Variants in NAP1L4 observed in about 807,000 individuals in gnomAD.
NAP1L4 encodes nucleosome assembly protein 1-like 4.
Under a neutral mutation model 58.2 loss-of-function variants are expected in NAP1L4, and 15 were observed. The ratio of observed to expected loss-of-function variants is 0.26; its 90% confidence interval spans 0.17 to 0.40. NAP1L4 has a LOEUF of 0.40. Ranked by LOEUF, NAP1L4 falls within the 10% of genes least tolerant of loss-of-function variation. The pLI is 1.00. For synonymous variants in NAP1L4, 171 were observed against 155.6 expected, an observed-to-expected ratio of 1.10 and a Z score of -0.74; for missense variants, 384 against 451.1, an observed-to-expected ratio of 0.85 and a Z score of 1.35.
At chr11:2,979,011 T>C (rs545104009) in intron 2 of NAP1L4, among the ~76,000 whole-genome samples, 196 bp downstream of exon 2, 1 of 152,230 alleles carries the variant, frequency 6.6e-6, no homozygotes, top group Non-Finnish European at 1.5e-5. Flanking sequence ...AAAAGATCTG[T>C]AGTGTCAATG....
chr11:2,975,461 G>T (rs1008148508), intron 4 of NAP1L4, among the ~76,000 whole-genome samples: 2 of 152,024 alleles, frequency 1.3e-5, no homozygotes, highest in Non-Finnish European at 2.9e-5. Flanking sequence ...AGCCAGGCAC[G>T]GTAGCTCACC....
At chr11:2,976,943 G>C (rs912780521) in intron 3 of NAP1L4, among the ~76,000 whole-genome samples, 1 of 152,138 alleles carries the variant, frequency 6.6e-6, no homozygotes, top group African/African-American at 2.4e-5. Flanking sequence ...CTTAGAGCCA[G>C]TACATACCCG....
At chr11:2,977,445 C>A (rs1180052578) in intron 3 of NAP1L4, among the ~76,000 whole-genome samples, 2 of 152,146 alleles carry the variant, frequency 1.3e-5, no homozygotes, top group Non-Finnish European at 2.9e-5. Flanking sequence ...AACGACTGGG[C>A]AAATCCAGAC....
intron 12 of NAP1L4, chr11:2,952,799 G>C (rs967419435): frequency 6.6e-6 from 1 of 152,264 alleles, no homozygotes; most frequent in African/African-American, 2.4e-5. Flanking sequence ...TTGCCCTTAA[G>C]GGGCTGTGCA....
chr11:2,980,618 T>C (rs572085087), intron 1 of NAP1L4, among the ~76,000 whole-genome samples: 3 of 152,228 alleles, frequency 2.0e-5, no homozygotes, highest in South Asian at 4.1e-4. Flanking sequence ...GAAATACACC[T>C]GAGGGCCTCG....
chr11:2,952,040 T>C (rs1846256156), intron 12 of NAP1L4: 1 of 604,498 alleles, frequency 1.7e-6, no homozygotes, highest in Non-Finnish European at 2.9e-6. Context: ...GATAGGAAGC[T>C]GGTCAGCCAG....
intron 8 of NAP1L4, among the ~76,000 whole-genome samples, chr11:2,964,315 C>T (rs149566596): frequency 0.013 from 1,971 of 152,260 alleles, 21 homozygotes; most frequent in Non-Finnish European, 0.022. Context: ...AAGACCAAGG[C>T]CTGGCACAGT....
chr11:2,966,972 C>A (rs1025634286), intron 7 of NAP1L4, among the ~76,000 whole-genome samples: 1 of 152,228 alleles, frequency 6.6e-6, no homozygotes, highest in African/African-American at 2.4e-5. Context: ...GAAGCAAAGG[C>A]ACAACACTGG....
Position 2,955,709 on chromosome 11 carries a change from A to G in NAP1L4, c.915+35T>C. Reference sequence around the variant, plus strand: ...TAGACATTCACTCAGGAGAGACTTCAACAGGAAAATAAGACTATTAACAAC... The same window carrying G: ...TAGACATTCACTCAGGAGAGACTTCGACAGGAAAATAAGACTATTAACAAC... On this transcript the variant is annotated intron_variant, in intron 11 of 15. Coordinates refer to ENST00000380542, the MANE Select transcript of NAP1L4 (RefSeq NM_005969.4). The surrounding 1 kb of genome is among the most constrained non-coding windows in gnomAD (Gnocchi z 4.2). 6.2e-7 allele frequency: 1 copy of G among 1,603,884 alleles called. No homozygotes were observed. The highest frequency in any genetic ancestry group is 8.5e-7 in the Non-Finnish European group (1 of 1,172,366).
In NAP1L4 at chr11:2,949,303, A is replaced by G. The variant is rs748068501; in HGVS notation, c.1123-39T>C. 3.3e-6 allele frequency: 5 copies of G among 1,515,364 alleles called. No individual in the cohort carries two copies. Among genetic ancestry groups the G allele is most frequent in the African/African-American group, 1.4e-5 (1 of 72,864 alleles). The allele number at this position is 1,515,364 out of a possible 1,614,324, so 93.9% of individuals were successfully genotyped here. On this transcript the variant is annotated intron_variant, in intron 14 of 15. Coordinates refer to ENST00000380542, the MANE Select transcript of NAP1L4 (RefSeq NM_005969.4). This position sits in a 1 kb window ranked among gnomAD's most constrained non-coding sequence, Gnocchi z 4.0. ...AAAATTGAAAGGAACTGTCAGCATG[A>G]AAGAAAATGAAATGCACAAAATTAT...
intron 7 of NAP1L4, among the ~76,000 whole-genome samples, chr11:2,966,108 C>G (rs1240974666): frequency 6.6e-6 from 1 of 152,178 alleles, no homozygotes; most frequent in Non-Finnish European, 1.5e-5. Flanking sequence ...TTCTTTACCC[C>G]CAAAGTCTGG....
intron 15 of NAP1L4, among the ~76,000 whole-genome samples, chr11:2,947,130 T>C (rs1442172873): frequency 6.6e-6 from 1 of 152,134 alleles, no homozygotes; most frequent in African/African-American, 2.4e-5. Flanking sequence ...AGATTGAGCA[T>C]CCCAAATCCC....
At position 2,945,511 on chromosome 11, in the gene NAP1L4, A is replaced by G. The variant is rs1362919729; in HGVS notation, c.*168T>C. 3.5e-5 allele frequency: 36 copies of G among 1,028,758 alleles called. No individual in the cohort carries two copies. Among genetic ancestry groups the G allele is most frequent in the Non-Finnish European group, 4.6e-5 (33 of 715,524 alleles). 63.7% of individuals were successfully genotyped at this position (1,028,758 alleles called of 1,614,324 possible). ...ACTTGAAAACGAGTTAGATGGAGTA[A>G]GCTCTGTCCACGGGATTGTGCTGCG... is the stretch of plus-strand genomic sequence containing the variant. On this transcript the variant is annotated 3_prime_UTR_variant, in exon 16 of 16. Transcript: ENST00000380542.
Position 2,956,139 on chromosome 11 carries a change from G to A in NAP1L4, c.893-373C>T, listed in dbSNP as rs543502791. ...TATGGGGAAACTTAACTCATGTCCC[G>A]CAGAACTATACATGATGGTGCAGGA... On this transcript the variant is annotated intron_variant, in intron 10 of 15. Coordinates refer to ENST00000380542, the MANE Select transcript of NAP1L4 (RefSeq NM_005969.4). Among the ~76,000 whole-genome samples, 7 of 152,304 alleles carry A rather than the reference G, an allele frequency of 4.6e-5. No homozygotes were observed. The South Asian group carries it at 6.2e-4, about 14-fold the overall frequency.
intron 1 of NAP1L4, among the ~76,000 whole-genome samples, chr11:2,983,376 C>T (rs1379684383): frequency 6.6e-6 from 1 of 152,064 alleles, no homozygotes; most frequent in African/African-American, 2.4e-5. Flanking sequence ...AAGAGACACA[C>T]AGTCTCACTC....
At chr11:2,984,142 G>A (rs1158877870) in intron 1 of NAP1L4, among the ~76,000 whole-genome samples, 1 of 136,028 alleles carries the variant, frequency 7.4e-6, no homozygotes, top group Non-Finnish European at 1.5e-5. Flanking sequence ...ACTCCAGCCT[G>A]GACAACAGAG....
At chr11:2,986,539 A>G (rs937190025) in intron 1 of NAP1L4, among the ~76,000 whole-genome samples, 3 of 152,166 alleles carry the variant, frequency 2.0e-5, no homozygotes, top group African/African-American at 7.2e-5. Flanking sequence ...GATTAAAATT[A>G]ATTCAAATGT....
intron 1 of NAP1L4, among the ~76,000 whole-genome samples, chr11:2,987,756 C>CAAAAAAAAAAAA: frequency 1.4e-5 from 1 of 70,456 alleles, no homozygotes; most frequent in Non-Finnish European, 2.6e-5. Flanking sequence ...GACTCCACCT[C>CAAAAAAAAAAAA]AAAAAAAAAA....
Position 2,971,637 on chromosome 11 carries a change from A to T in NAP1L4, c.316-103T>A. ...TCTACTAAAAGACTTTGAAAACTGG[A>T]TATTTTTATAACTTATTTTAAGATT... is the stretch of plus-strand genomic sequence containing the variant. On this transcript the variant is annotated intron_variant, in intron 5 of 15. Coordinates refer to ENST00000380542, the MANE Select transcript of NAP1L4 (RefSeq NM_005969.4). The surrounding 1 kb of genome is among the most constrained non-coding windows in gnomAD (Gnocchi z 4.2). 1.2e-6 allele frequency: 1 copy of T among 860,180 alleles called. No individual in the cohort carries two copies. 53.3% of individuals were successfully genotyped at this position (860,180 alleles called of 1,614,324 possible). A position where few individuals can be genotyped will look rare whatever the true frequency, so the allele number is the denominator to read the frequency against.
Sources: gnomAD v4.1 joint callset for allele counts (sites outside exome capture counted in the v4.1 genomes callset) on GRCh38, gnomAD v4.1.1 for gene constraint, Gnocchi (gnomAD v3.1) non-coding constraint, MANE v1.5 for transcripts, NCBI Gene and HGNC (gene_info 2026-07-23, HGNC 2026-07-21) for gene names.